The following ZNF385D variants were observed in gnomAD, a reference collection of about 807,000 sequenced individuals.
ZNF385D encodes the protein zinc finger protein 659.
ZNF385D carries 15 observed loss-of-function variants against 35.8 expected under a neutral mutation model. The ratio of observed to expected loss-of-function variants is 0.42; its 90% CI spans 0.28 to 0.64. The LOEUF (loss-of-function observed/expected upper bound fraction) is 0.64. Ranked by LOEUF, ZNF385D falls within the 30% of genes least tolerant of loss-of-function variation. ZNF385D has a pLI of 0.23. For missense variants in ZNF385D, 474 were observed against 494.6 expected (o/e 0.96, Z 0.39); for synonymous variants, 212 against 186.8 (o/e 1.13, Z -1.10).
chr3:22,294,478 T>C (rs1702465398), intron 2 of ZNF385D, among the ~76,000 whole-genome samples: 2 of 152,152 alleles, frequency 1.3e-5, no homozygotes, highest in Admixed American at 1.3e-4. Flanking sequence ...TAATATATAA[T>C]GGGTATTATA....
At chr3:21,667,025 C>T (rs1183012054) in intron 1 of ZNF385D, among the ~76,000 whole-genome samples, 5 of 152,038 alleles carry the variant, frequency 3.3e-5, no homozygotes, top group Admixed American at 1.3e-4. Flanking sequence ...TGCAGTAAGC[C>T]GAGATCGCAC....
intron 3 of ZNF385D, among the ~76,000 whole-genome samples, chr3:21,975,379 A>G (rs879437885): frequency 2.0e-5 from 3 of 152,124 alleles, no homozygotes; most frequent in Non-Finnish European, 2.9e-5. Context: ...ATGGAGAGAG[A>G]GAGTAAAATC....
At chr3:22,080,299 G>A (rs912209461) in intron 3 of ZNF385D, among the ~76,000 whole-genome samples, 5 of 152,086 alleles carry the variant, frequency 3.3e-5, no homozygotes, top group Non-Finnish European at 4.4e-5. Context: ...TCACCCAGGA[G>A]ACTTTAATGC....
chr3:21,551,055 T>C (rs187672016), intron 3 of ZNF385D, among the ~76,000 whole-genome samples: 178 of 152,330 alleles, frequency 1.2e-3, no homozygotes, highest in Non-Finnish European at 1.9e-3. Flanking sequence ...TGTCTGAATA[T>C]GAATAATACC....
At chr3:22,309,642 A>G (rs553065871) in intron 2 of ZNF385D, among the ~76,000 whole-genome samples, 2 of 152,152 alleles carry the variant, frequency 1.3e-5, no homozygotes, top group East Asian at 3.9e-4. Flanking sequence ...TTAAAATCAT[A>G]AAAAGGTCAA....
intron 1 of ZNF385D, among the ~76,000 whole-genome samples, chr3:21,672,590 T>C (rs1239873630): frequency 2.0e-5 from 3 of 152,150 alleles, no homozygotes; most frequent in Non-Finnish European, 4.4e-5. Context: ...ATGTCAATGG[T>C]CAGTGATTCG....
At chr3:22,327,369 T>C (rs1694727120) in intron 2 of ZNF385D, among the ~76,000 whole-genome samples, 2 of 152,182 alleles carry the variant, frequency 1.3e-5, no homozygotes, top group Non-Finnish European at 1.5e-5. Flanking sequence ...AAAATCACCA[T>C]GTGTGAAAGC....
At chr3:21,880,965 C>T (rs1450898674) in intron 3 of ZNF385D, among the ~76,000 whole-genome samples, 1 of 151,942 alleles carries the variant, frequency 6.6e-6, no homozygotes, top group African/African-American at 2.4e-5. Flanking sequence ...TAACTCTGTT[C>T]AATTCTGTGA....
At chr3:21,851,049 A>C (rs1575775436) in intron 3 of ZNF385D, among the ~76,000 whole-genome samples, 1 of 152,094 alleles carries the variant, frequency 6.6e-6, no homozygotes, top group East Asian at 1.9e-4. Context: ...GAAAGATAAA[A>C]TCAAAGGACA....
chr3:22,269,903 C>T (rs1269818989), intron 2 of ZNF385D, among the ~76,000 whole-genome samples: 2 of 151,794 alleles, frequency 1.3e-5, no homozygotes, highest in African/African-American at 2.4e-5. Flanking sequence ...ATCTGGTAAT[C>T]CGCTATTTTA....
At chr3:21,823,530 T>C (rs894099996) in intron 3 of ZNF385D, among the ~76,000 whole-genome samples, 39 of 152,204 alleles carry the variant, frequency 2.6e-4, no homozygotes, top group Admixed American at 5.9e-4. Flanking sequence ...CACTTCTCTT[T>C]TCATCAGACA....
At chr3:22,345,342 A>G (rs1163768628) in intron 2 of ZNF385D, among the ~76,000 whole-genome samples, 2 of 152,186 alleles carry the variant, frequency 1.3e-5, no homozygotes, top group Non-Finnish European at 2.9e-5. Context: ...TTCAAAAATA[A>G]ATGAACCTAC....
chr3:21,707,517 T>C (rs530867738), intron 1 of ZNF385D, among the ~76,000 whole-genome samples: 35 of 152,298 alleles, frequency 2.3e-4, no homozygotes, highest in African/African-American at 7.0e-4. Context: ...AGTGCTTCTT[T>C]GTTAGAATCT....
intron 2 of ZNF385D, among the ~76,000 whole-genome samples, chr3:22,186,761 T>C (rs77353156): frequency 0.013 from 1,979 of 152,256 alleles, 25 homozygotes; most frequent in African/African-American, 0.037. Flanking sequence ...ATATGTCTTG[T>C]TCAAAAGAAG....
intron 3 of ZNF385D, among the ~76,000 whole-genome samples, chr3:22,056,237 C>T (rs1336394586): frequency 8.2e-5 from 1 of 12,208 alleles, no homozygotes; most frequent in East Asian, 5.8e-3. Flanking sequence ...AACTAACCTG[C>T]ACAATGTGCA....
intron 3 of ZNF385D, among the ~76,000 whole-genome samples, chr3:21,947,910 T>C (rs938698843): frequency 1.3e-5 from 2 of 152,184 alleles, no homozygotes; most frequent in African/African-American, 4.8e-5. Flanking sequence ...TTTCACCACA[T>C]TATATGAAGT....
chr3:21,645,513 C>T (rs1241280310), intron 2 of ZNF385D, among the ~76,000 whole-genome samples: 1 of 152,184 alleles, frequency 6.6e-6, no homozygotes, highest in Non-Finnish European at 1.5e-5. Context: ...ACCGCTGAAT[C>T]CACTGGCAAT....
intron 4 of ZNF385D, among the ~76,000 whole-genome samples, chr3:21,468,275 A>C (rs1222945559): frequency 1.3e-5 from 2 of 150,866 alleles, no homozygotes; most frequent in African/African-American, 4.9e-5. Context: ...GGTGGCGGGC[A>C]CCTGTAGTCC....
At chr3:22,348,152 C>A (rs1424204080) in intron 2 of ZNF385D, among the ~76,000 whole-genome samples, 1 of 152,024 alleles carries the variant, frequency 6.6e-6, no homozygotes, top group Admixed American at 6.6e-5. Context: ...GATTAACTGG[C>A]TTTTTCTTAA....
Sources: gnomAD v4.1 joint callset for allele counts (sites outside exome capture counted in the v4.1 genomes callset) on GRCh38, gnomAD v4.1.1 for gene constraint, MANE v1.5 for transcripts, NCBI Gene and HGNC (gene_info 2026-07-23, HGNC 2026-07-21) for gene names.